Variants in PTBP3 observed in about 807,000 individuals in gnomAD.
PTBP3 encodes the protein polypyrimidine tract binding protein 3, also known as polypyrimidine tract-binding protein 3.
A neutral mutation model predicts 58.7 loss-of-function variants in PTBP3; 20 were observed. The ratio of observed to expected loss-of-function variants is 0.34; its 90% CI spans 0.24 to 0.50. PTBP3 has a LOEUF of 0.50. Among genes scored for constraint, PTBP3 ranks in the 20% least tolerant of loss-of-function variants. The probability of loss-of-function intolerance (pLI) is 0.98; values close to 1 mark genes in which losing one functional copy is unlikely to be tolerated. For synonymous variants in PTBP3, 185 were observed against 219.8 expected, an observed-to-expected ratio of 0.84 and a Z score of 1.40; for missense variants, 509 against 637.2, an observed-to-expected ratio of 0.80 and a Z score of 2.17.
chr9:112,356,806 AC>A, the PTBP3 span, among the ~76,000 whole-genome samples: 2 of 151,174 alleles, frequency 1.3e-5, no homozygotes, highest in Non-Finnish European at 2.9e-5. Flanking sequence ...GCACACACAC[AC>A]ACACACACAC....
chr9:112,297,120 T>C (rs1828721602), intron 2 of PTBP3, among the ~76,000 whole-genome samples: 1 of 152,222 alleles, frequency 6.6e-6, no homozygotes, highest in Non-Finnish European at 1.5e-5. Flanking sequence ...AATCACGTGG[T>C]ACCTTATGGT....
intron 7 of PTBP3, among the ~76,000 whole-genome samples, chr9:112,248,736 A>C (rs1330504755): frequency 6.6e-6 from 1 of 152,208 alleles, no homozygotes; most frequent in Admixed American, 6.5e-5. Flanking sequence ...TATGTAATGA[A>C]ACTGAAGAAA....
At chr9:112,282,593 C>T (rs528263221) in intron 2 of PTBP3, among the ~76,000 whole-genome samples, 3 of 152,028 alleles carry the variant, frequency 2.0e-5, no homozygotes, top group East Asian at 1.9e-4. Flanking sequence ...AAAGTAGCTT[C>T]GAATATCCCT....
chr9:112,315,358 C>T (rs901806619), intron 1 of PTBP3, among the ~76,000 whole-genome samples: 7 of 148,770 alleles, frequency 4.7e-5, no homozygotes, highest in African/African-American at 1.7e-4. Flanking sequence ...ATAAATTAAA[C>T]ACATTTATAA....
intron 2 of PTBP3, among the ~76,000 whole-genome samples, chr9:112,285,592 A>G (rs1828076368): frequency 6.6e-6 from 1 of 152,242 alleles, no homozygotes; most frequent in Non-Finnish European, 1.5e-5. Flanking sequence ...TGTGGGTCAC[A>G]GGATCTCTGT....
At chr9:112,277,934 AAC>A (rs1178886131) in intron 2 of PTBP3, among the ~76,000 whole-genome samples, 8,883 of 108,394 alleles carry the variant, frequency 0.082, 311 homozygotes, top group East Asian at 0.16. Flanking sequence ...AACATAACAT[AAC>A]ATAACATAAT....
At chr9:112,348,087 T>G in the PTBP3 span, among the ~76,000 whole-genome samples, 1 of 152,114 alleles carries the variant, frequency 6.6e-6, no homozygotes, top group Non-Finnish European at 1.5e-5. Context: ...GACTTCCCAG[T>G]GAATTATTGG....
chr9:112,258,596 C>T (rs890932320), intron 5 of PTBP3, among the ~76,000 whole-genome samples: 1 of 152,304 alleles, frequency 6.6e-6, no homozygotes, highest in Admixed American at 6.5e-5. Flanking sequence ...TTACCTCAGT[C>T]TTTACATCTT....
At chr9:112,379,878 C>A in the PTBP3 span, 1 of 549,862 alleles carries the variant, frequency 1.8e-6, no homozygotes, top group Non-Finnish European at 3.2e-6. Flanking sequence ...CACCGTACGA[C>A]CAGTGAGGGG....
intron 1 of PTBP3, chr9:112,333,146 G>A: frequency 8.1e-7 from 1 of 1,233,682 alleles, no homozygotes; most frequent in South Asian, 3.1e-5. Context: ...TGGGCTCCCC[G>A]GACTCGGGGC....
chr9:112,290,074 A>G (rs1828314159), intron 2 of PTBP3, among the ~76,000 whole-genome samples: 1 of 152,244 alleles, frequency 6.6e-6, no homozygotes, highest in South Asian at 2.1e-4. Context: ...GAAGTATTCT[A>G]CATGAAAAAG....
chr9:112,325,270 T>A (rs73543900), intron 1 of PTBP3, among the ~76,000 whole-genome samples: 4,754 of 152,180 alleles, frequency 0.031, 167 homozygotes, highest in African/African-American at 0.088. Flanking sequence ...TCACTTAACA[T>A]ATGTGCAGTA....
the PTBP3 span, among the ~76,000 whole-genome samples, chr9:112,339,284 C>T: frequency 1.2e-5 from 1 of 84,242 alleles, no homozygotes; most frequent in Non-Finnish European, 2.0e-5. Flanking sequence ...CAGCAAGACT[C>T]TGTCTCAAAA....
intron 2 of PTBP3, among the ~76,000 whole-genome samples, chr9:112,296,476 T>C (rs1035474076): frequency 1.3e-5 from 2 of 152,186 alleles, no homozygotes; most frequent in Admixed American, 1.3e-4. Context: ...CGAACATCTA[T>C]GTTCCCATGG....
intron 2 of PTBP3, among the ~76,000 whole-genome samples, chr9:112,283,519 T>C (rs181866025): frequency 6.6e-6 from 1 of 152,336 alleles, no homozygotes; most frequent in East Asian, 1.9e-4. Flanking sequence ...ATTTAGGGTA[T>C]CTGGCAGAAG....
intron 2 of PTBP3, among the ~76,000 whole-genome samples, chr9:112,276,874 G>A (rs1827633191): frequency 6.6e-6 from 1 of 152,118 alleles, no homozygotes; most frequent in South Asian, 2.1e-4. Context: ...TTTTCTTCCA[G>A]AAATAGAACC....
chr9:112,274,888 A>G (rs548912335), intron 3 of PTBP3, among the ~76,000 whole-genome samples: 1 of 152,284 alleles, frequency 6.6e-6, no homozygotes, highest in South Asian at 2.1e-4. Flanking sequence ...TCAGCACAAT[A>G]AGTCCCTACT....
At chr9:112,354,962 C>T in the PTBP3 span, among the ~76,000 whole-genome samples, 5 of 152,092 alleles carry the variant, frequency 3.3e-5, no homozygotes, top group Admixed American at 2.6e-4. Context: ...AGTGTAATAC[C>T]GTTTCTCAGA....
intron 3 of PTBP3, among the ~76,000 whole-genome samples, chr9:112,275,400 G>A (rs1827567674): frequency 1.3e-5 from 2 of 152,094 alleles, no homozygotes; most frequent in Non-Finnish European, 2.9e-5. Flanking sequence ...CTCCCAAAGT[G>A]CTGGGATTAC....
Sources: allele counts gnomAD v4.1 joint callset (sites outside exome capture counted in the v4.1 genomes callset), GRCh38; gene constraint gnomAD v4.1.1; transcripts MANE v1.5; gene names NCBI Gene and HGNC (gene_info 2026-07-23, HGNC 2026-07-21).